SLC25A21: variants seen among roughly 807,000 people sequenced by gnomAD.
SLC25A21 encodes solute carrier family 25 member 21, also known as mitochondrial 2-oxodicarboxylate carrier.
SLC25A21 carries 47 observed loss-of-function variants against 43.8 expected under a neutral mutation model. That is an observed-to-expected ratio of 1.07 (90% CI 0.85 to 1.37). SLC25A21 has a LOEUF of 1.37. Among genes scored for constraint, SLC25A21 ranks in the 40% most tolerant of loss-of-function variants. The pLI, the probability that SLC25A21 is intolerant of heterozygous loss-of-function variation, is 0.00. For synonymous variants in SLC25A21, 131 were observed against 121.3 expected, an observed-to-expected ratio of 1.08 and a Z score of -0.52; for missense variants, 352 against 350.2, an observed-to-expected ratio of 1.00 and a Z score of -0.04.
chr14:36,883,039 T>C (rs1262239985), intron 1 of SLC25A21, among the ~76,000 whole-genome samples: 1 of 152,102 alleles, frequency 6.6e-6, no homozygotes, highest in Non-Finnish European at 1.5e-5. Flanking sequence ...TAGCAGGCCC[T>C]TTACAGGTAT....
chr14:36,964,667 C>T (rs1000923281), intron 1 of SLC25A21, among the ~76,000 whole-genome samples: 18 of 152,152 alleles, frequency 1.2e-4, no homozygotes, highest in African/African-American at 4.3e-4. Flanking sequence ...TCAAACAATA[C>T]ATTTAGGTAT....
At chr14:36,929,769 G>A (rs1221696686) in intron 1 of SLC25A21, among the ~76,000 whole-genome samples, 3 of 152,274 alleles carry the variant, frequency 2.0e-5, no homozygotes, top group South Asian at 2.1e-4. Flanking sequence ...GAAGGCCACC[G>A]TCAATTCTTT....
chr14:36,932,246 A>C (rs1043512225), intron 1 of SLC25A21, among the ~76,000 whole-genome samples: 1 of 152,156 alleles, frequency 6.6e-6, no homozygotes, highest in Non-Finnish European at 1.5e-5. Context: ...AAAGGGGAGA[A>C]GGCTTAAATA....
chr14:36,741,839 T>C (rs564575246), intron 3 of SLC25A21, among the ~76,000 whole-genome samples: 9 of 152,088 alleles, frequency 5.9e-5, no homozygotes, highest in Non-Finnish European at 8.8e-5. Flanking sequence ...AGATCCCCAG[T>C]TGGGGAAATT....
intron 1 of SLC25A21, among the ~76,000 whole-genome samples, chr14:37,067,913 G>A (rs932086470): frequency 4.6e-5 from 7 of 152,226 alleles, no homozygotes; most frequent in East Asian, 1.9e-4. Context: ...TCTTCTTCCC[G>A]TATTCTAAGT....
chr14:36,808,206 A>C (rs1594606063), intron 3 of SLC25A21, among the ~76,000 whole-genome samples: 1 of 152,288 alleles, frequency 6.6e-6, no homozygotes, highest in South Asian at 2.1e-4. Context: ...GTTGTTTCCT[A>C]GTTATTTGCC....
intron 1 of SLC25A21, among the ~76,000 whole-genome samples, chr14:36,982,957 T>C (rs972217804): frequency 3.3e-5 from 5 of 152,214 alleles, no homozygotes; most frequent in Non-Finnish European, 7.3e-5. Flanking sequence ...AATTAAAGAT[T>C]AAAAATAATT....
At chr14:36,714,314 C>T (rs1162680505) in intron 6 of SLC25A21, among the ~76,000 whole-genome samples, 1 of 152,188 alleles carries the variant, frequency 6.6e-6, no homozygotes, top group Non-Finnish European at 1.5e-5. Context: ...GAGTCCCAGA[C>T]CTTTGTGATA....
At chr14:36,837,733 C>T (rs938906836) in intron 2 of SLC25A21, among the ~76,000 whole-genome samples, 1 of 152,204 alleles carries the variant, frequency 6.6e-6, no homozygotes, top group Non-Finnish European at 1.5e-5. Flanking sequence ...CAACACCATA[C>T]TACACTCCTA....
At chr14:36,941,671 G>T (rs1234635957) in intron 1 of SLC25A21, among the ~76,000 whole-genome samples, 1 of 151,572 alleles carries the variant, frequency 6.6e-6, no homozygotes, top group Middle Eastern at 3.2e-3. Flanking sequence ...TTTGTTCACA[G>T]AATAATTTTA....
intron 1 of SLC25A21, among the ~76,000 whole-genome samples, chr14:37,083,540 G>A (rs186494174): frequency 5.4e-4 from 82 of 152,268 alleles, no homozygotes; most frequent in African/African-American, 1.7e-3. Flanking sequence ...ACCAGATGAG[G>A]AGAAAAGATG....
In SLC25A21 at chr14:36,750,523, G is replaced by T. The variant is rs185959893; in HGVS notation, c.204-15950C>A. On this transcript the variant is annotated intron_variant, in intron 3 of 9. Coordinates refer to ENST00000331299, the MANE Select transcript of SLC25A21 (RefSeq NM_030631.4). ...TATTCTCCTGGTTGTATGAGACATTGTATGAGACATGAGCAGATGACTTAA... is the reference window on the plus strand; with the variant it reads ...TATTCTCCTGGTTGTATGAGACATTTTATGAGACATGAGCAGATGACTTAA... 1.5e-4 allele frequency among the ~76,000 whole-genome samples: 23 copies of T among 152,296 alleles called. No homozygotes were observed. The East Asian group carries it at 4.3e-3, about 28-fold the overall frequency.
At chr14:36,700,721 G>A (rs961589405) in intron 7 of SLC25A21, among the ~76,000 whole-genome samples, 2 of 152,170 alleles carry the variant, frequency 1.3e-5, no homozygotes, top group African/African-American at 4.8e-5. Context: ...TGTATTTACT[G>A]AGCCTGACAC....
At chr14:36,823,746 G>A (rs1401990767) in intron 2 of SLC25A21, among the ~76,000 whole-genome samples, 2 of 151,962 alleles carry the variant, frequency 1.3e-5, no homozygotes, top group East Asian at 1.9e-4. Context: ...AAAATTTGAC[G>A]CCCCAACCCA....
At chr14:36,785,305 C>G (rs922912670) in intron 3 of SLC25A21, among the ~76,000 whole-genome samples, 8 of 152,172 alleles carry the variant, frequency 5.3e-5, no homozygotes, top group African/African-American at 1.9e-4. Flanking sequence ...ACAACAAAAC[C>G]ACACTAAACC....
intron 1 of SLC25A21, among the ~76,000 whole-genome samples, chr14:36,997,891 G>C (rs1960407329): frequency 2.0e-5 from 3 of 151,812 alleles, no homozygotes; most frequent in Non-Finnish European, 2.9e-5. Context: ...TACACTTAGA[G>C]ATACTGAATG....
At chr14:36,809,525 A>AAAATG (rs1427164937) in intron 3 of SLC25A21, among the ~76,000 whole-genome samples, 2 of 152,154 alleles carry the variant, frequency 1.3e-5, no homozygotes, top group African/African-American at 4.8e-5. Context: ...TAAGAAGAAA[A>AAAATG]AAATGTTAGA....
At chr14:36,964,903 GT>G (rs1234816151) in intron 1 of SLC25A21, among the ~76,000 whole-genome samples, 1 of 151,988 alleles carries the variant, frequency 6.6e-6, no homozygotes, top group African/African-American at 2.4e-5. Flanking sequence ...GTTCTGACTT[GT>G]TTTATTAATT....
At chr14:37,075,750 G>C (rs1161548846) in intron 1 of SLC25A21, among the ~76,000 whole-genome samples, 1 of 152,200 alleles carries the variant, frequency 6.6e-6, no homozygotes, top group Non-Finnish European at 1.5e-5. Flanking sequence ...GTGGTAATTT[G>C]ATTATTGAGT....
Sources: allele counts gnomAD v4.1 joint callset (sites outside exome capture counted in the v4.1 genomes callset), GRCh38; gene constraint gnomAD v4.1.1; transcripts MANE v1.5; gene names NCBI Gene and HGNC (gene_info 2026-07-23, HGNC 2026-07-21).